The following SGCZ variants were observed in gnomAD, a reference collection of about 807,000 sequenced individuals.
The protein encoded by SGCZ is zeta-sarcoglycan.
SGCZ carries 40 observed loss-of-function variants against 41.3 expected under a neutral mutation model. The ratio of observed to expected loss-of-function variants is 0.97; its 90% confidence interval spans 0.75 to 1.26. The LOEUF is 1.26. SGCZ is among the 50% of genes most tolerant of loss of function. The probability of loss-of-function intolerance (pLI) is 0.00; values close to 1 mark genes in which losing one functional copy is unlikely to be tolerated. For synonymous variants in SGCZ, 206 were observed against 137.5 expected (o/e 1.50, Z -3.49); for missense variants, 552 against 369.8 (o/e 1.49, Z -4.04).
At chr8:14,915,805 G>T (rs572817889) in intron 1 of SGCZ, among the ~76,000 whole-genome samples, 1 of 152,050 alleles carries the variant, frequency 6.6e-6, no homozygotes, top group African/African-American at 2.4e-5. Flanking sequence ...TCCTCTCTCC[G>T]TTCTTCTGTC....
intron 1 of SGCZ, among the ~76,000 whole-genome samples, chr8:15,156,132 C>T (rs1306885502): frequency 2.0e-5 from 3 of 151,214 alleles, no homozygotes; most frequent in East Asian, 1.9e-4. Flanking sequence ...TTTCTAGATG[C>T]CACATTTATA....
At chr8:15,230,166 T>C (rs547421727) in intron 1 of SGCZ, among the ~76,000 whole-genome samples, 1 of 147,284 alleles carries the variant, frequency 6.8e-6, no homozygotes, top group Non-Finnish European at 1.5e-5. Flanking sequence ...AATAAGTCAC[T>C]ATGAATAAGG....
intron 1 of SGCZ, among the ~76,000 whole-genome samples, chr8:14,558,290 G>C (rs1304282608): frequency 6.6e-6 from 1 of 151,974 alleles, no homozygotes. Context: ...TAGAGTAAGA[G>C]GGAGCTGGGC....
chr8:14,333,075 T>G (rs1000013291), intron 2 of SGCZ, among the ~76,000 whole-genome samples: 8 of 152,046 alleles, frequency 5.3e-5, no homozygotes, highest in Non-Finnish European at 1.2e-4. Flanking sequence ...CTACAGGCAA[T>G]TGGAATCACT....
intron 1 of SGCZ, among the ~76,000 whole-genome samples, chr8:14,881,989 T>A (rs1360264923): frequency 6.6e-6 from 1 of 152,140 alleles, no homozygotes; most frequent in Non-Finnish European, 1.5e-5. Context: ...GGGTAAATAA[T>A]GAAATTGACA....
At chr8:15,007,776 A>G (rs1802656932) in intron 1 of SGCZ, among the ~76,000 whole-genome samples, 1 of 152,250 alleles carries the variant, frequency 6.6e-6, no homozygotes, top group Non-Finnish European at 1.5e-5. Flanking sequence ...ATTGAAATAT[A>G]ATTACTGTGT....
intron 1 of SGCZ, among the ~76,000 whole-genome samples, chr8:14,824,407 A>T (rs902783514): frequency 6.6e-6 from 1 of 152,264 alleles, no homozygotes; most frequent in East Asian, 1.9e-4. Flanking sequence ...AATAAATTTT[A>T]AAAATTTTCA....
chr8:14,244,353 T>C (rs1799005585), intron 3 of SGCZ, among the ~76,000 whole-genome samples: 1 of 152,190 alleles, frequency 6.6e-6, no homozygotes, highest in Non-Finnish European at 1.5e-5. Context: ...AATTATTATT[T>C]AATGGTTATT....
At chr8:14,720,788 G>T (rs1190571529) in intron 1 of SGCZ, among the ~76,000 whole-genome samples, 1 of 152,034 alleles carries the variant, frequency 6.6e-6, no homozygotes, top group Non-Finnish European at 1.5e-5. Context: ...AAGGAAATTT[G>T]CTGCCTACTG....
rs995344562 is a variant in SGCZ, at chr8:14,635,259, C to A, written c.40-80333G>T. ...AAAAATGTATCTCCATTTCCATTTA[C>A]TTGCTCAATCTGTTGTCTTTCTTAT... On this transcript the variant is annotated intron_variant, in intron 1 of 7. Coordinates refer to ENST00000382080, the MANE Select transcript of SGCZ (RefSeq NM_139167.4). Among the ~76,000 whole-genome samples the A allele has an allele frequency of 9.2e-5, 14 of 151,962 alleles. No homozygotes were observed. The South Asian group carries it at 2.9e-3, about 31-fold the overall frequency.
chr8:14,428,021 G>C lies in SGCZ; in HGVS notation c.235-103817C>G, dbSNP rs769950784. On this transcript the variant is annotated intron_variant, in intron 2 of 7. Transcript: ENST00000382080. ...GCAAATACTATGTGATTTCATATCAGCGATTTGAGCATCTGCAGATTTTGC... is the reference window on the plus strand; with the variant it reads ...GCAAATACTATGTGATTTCATATCACCGATTTGAGCATCTGCAGATTTTGC... 5.3e-5 allele frequency among the ~76,000 whole-genome samples: 8 copies of C among 151,912 alleles called. No individual in the cohort carries two copies. In the East Asian group the frequency reaches 5.8e-4, roughly 11 times the overall value.
Position 14,312,565 on chromosome 8 carries a change from G to A in SGCZ, c.336+11538C>T, listed in dbSNP as rs552288605. On this transcript the variant is annotated intron_variant, in intron 3 of 7. Coordinates refer to ENST00000382080, the MANE Select transcript of SGCZ (RefSeq NM_139167.4). ...GGCCAGGAACTTGAAGCTCCAGTGT[G>A]CGATAATCACACCTGTGAATAGCCA... Among the ~76,000 whole-genome samples, 53 of 152,156 alleles carry A rather than the reference G, an allele frequency of 3.5e-4. No homozygotes were observed. The South Asian group carries it at 0.01, about 30-fold the overall frequency.
At chr8:14,807,817 C>G (rs1276230040) in intron 1 of SGCZ, among the ~76,000 whole-genome samples, 1 of 152,224 alleles carries the variant, frequency 6.6e-6, no homozygotes. Context: ...ATCACACTAT[C>G]TGACTTCAAA....
intron 5 of SGCZ, among the ~76,000 whole-genome samples, chr8:14,135,562 G>GA (rs1006250557): frequency 5.5e-4 from 83 of 152,084 alleles, no homozygotes; most frequent in African/African-American, 1.9e-3. Context: ...AGAAAAAAAT[G>GA]AAAAAAATCT....
chr8:15,022,325 A>C lies in SGCZ; in HGVS notation c.39+215260T>G, dbSNP rs777165816. On this transcript the variant is annotated intron_variant, in intron 1 of 7. Coordinates refer to ENST00000382080, the MANE Select transcript of SGCZ (RefSeq NM_139167.4). Reference sequence around the variant, plus strand: ...GATCCAATTTTTCTAAAATGAAATGATATCTTTTTTTTAATTTTATTTATT... The same window carrying C: ...GATCCAATTTTTCTAAAATGAAATGCTATCTTTTTTTTAATTTTATTTATT... Among the ~76,000 whole-genome samples, 81 of 152,180 alleles carry C rather than the reference A, an allele frequency of 5.3e-4. 1 individual carries two copies. The highest frequency in any genetic ancestry group is 1.1e-3 in the Admixed American group (17 of 15,272).
chr8:14,652,995 C>A (rs1187045246), intron 1 of SGCZ, among the ~76,000 whole-genome samples: 1 of 152,072 alleles, frequency 6.6e-6, no homozygotes, highest in African/African-American at 2.4e-5. Context: ...ACTTCAGATA[C>A]ATGCAATTGT....
At chr8:15,189,849 C>A (rs950187155) in intron 1 of SGCZ, among the ~76,000 whole-genome samples, 1 of 152,148 alleles carries the variant, frequency 6.6e-6, no homozygotes, top group African/African-American at 2.4e-5. Flanking sequence ...CCACGCCCAG[C>A]CCTTGAAGCA....
chr8:14,479,824 CA>C (rs1377262346), intron 2 of SGCZ, among the ~76,000 whole-genome samples: 1 of 148,814 alleles, frequency 6.7e-6, no homozygotes, highest in Non-Finnish European at 1.5e-5. Context: ...CGGCTCACTG[CA>C]ACCTCCGCCT....
chr8:15,198,138 A>C (rs917507965), intron 1 of SGCZ, among the ~76,000 whole-genome samples: 2 of 151,088 alleles, frequency 1.3e-5, no homozygotes, highest in Non-Finnish European at 3.0e-5. Flanking sequence ...AGAGAAACAG[A>C]GACTATATAT....
Sources: allele counts gnomAD v4.1 joint callset (sites outside exome capture counted in the v4.1 genomes callset), GRCh38; gene constraint gnomAD v4.1.1; transcripts MANE v1.5; gene names NCBI Gene and HGNC (gene_info 2026-07-23, HGNC 2026-07-21).